Variants in TEP1 observed in about 807,000 individuals in gnomAD.
TEP1 encodes telomerase protein component 1.
Under a neutral mutation model 306.3 loss-of-function variants are expected in TEP1, and 241 were observed. The ratio of observed to expected loss-of-function variants is 0.79; its 90% CI spans 0.71 to 0.88. The LOEUF (loss-of-function observed/expected upper bound fraction) is 0.88, where lower values mean the gene tolerates loss of function less well. TEP1 is among the 40% of genes least tolerant of loss of function. The pLI is 0.00. For missense variants in TEP1, 3,051 were observed against 3,276.1 expected (o/e 0.93, Z 1.68); for synonymous variants, 1,289 against 1,305.5 (o/e 0.99, Z 0.27).
chr14:20,403,017 C>T (rs1407517609), intron 7 of TEP1, among the ~76,000 whole-genome samples: 1 of 151,844 alleles, frequency 6.6e-6, no homozygotes, highest in Non-Finnish European at 1.5e-5. Context: ...ATTAGCCAAG[C>T]GTGGTGGCAC....
At position 20,400,297 on chromosome 14, in the gene TEP1, C is replaced by T. The variant is rs1041078551; in HGVS notation, c.1549+687G>A. The stretch of plus-strand genomic sequence containing the variant: ...GTGTATGTGTGTTTGTGTGTGGGTG[C>T]GTGTGTGTGTGTGTGCAGTGGCTCA... On this transcript the variant is annotated intron_variant, in intron 9 of 54. Coordinates refer to ENST00000262715, the MANE Select transcript of TEP1 (RefSeq NM_007110.5). Among the ~76,000 whole-genome samples, 7 of 147,138 alleles carry T rather than the reference C, an allele frequency of 4.8e-5. 1 individual carries two copies. The highest frequency in any genetic ancestry group is 4.3e-4 in the South Asian group (2 of 4,672).
At position 20,378,166 on chromosome 14, in the gene TEP1, C is replaced by A; in HGVS notation, c.5579G>T (p.Gly1860Val). ...CAGCTCCACCATACTGTCCAGCCGG[C>A]CCACAGCCACAACCCCCCCAGGCAC... ...FNVPGGVVAV[G>V]RLDSMVELWA... Residue 1860 changes from glycine (G) to valine (V), a missense_variant, in exon 39 of 55, where the codon GGC becomes GTC. Transcript: ENST00000262715. 2.5e-6 allele frequency: 4 copies of A among 1,613,890 alleles called. No individual in the cohort carries two copies. Among genetic ancestry groups the A allele is most frequent in the Non-Finnish European group, 3.4e-6 (4 of 1,180,038 alleles).
intron 15 of TEP1, among the ~76,000 whole-genome samples, chr14:20,390,300 T>C (rs148523039): frequency 8.1e-4 from 124 of 152,322 alleles, no homozygotes; most frequent in African/African-American, 2.9e-3. Flanking sequence ...ATAATTTTAC[T>C]ACATTTTACT....
At chr14:20,377,797 C>T (rs374940664) in intron 39 of TEP1, 44 bp from the exon 40 acceptor site, 21 of 1,604,980 alleles carry the variant, frequency 1.3e-5, no homozygotes, top group South Asian at 7.7e-5. Flanking sequence ...CTCCACCACG[C>T]GGTCCTCCTT....
Position 20,386,066 on chromosome 14 carries a change from C to T in TEP1, c.2982+9G>A. 1 of 1,590,984 alleles carries T rather than the reference C, an allele frequency of 6.3e-7. No individual in the cohort carries two copies. The highest frequency in any genetic ancestry group is 1.2e-5 in the South Asian group (1 of 86,702). On this transcript the variant is annotated intron_variant, in intron 20 of 54. Transcript: ENST00000262715. ...CTCCCCAGCCCTCCTCCAAACCTGT[C>T]TGCCTTACCCAGTGGAAGTGTGGAT...
chr14:20,402,577 A>G (rs114064016), intron 7 of TEP1, among the ~76,000 whole-genome samples: 134 of 152,304 alleles, frequency 8.8e-4, no homozygotes, highest in African/African-American at 3.2e-3. Context: ...TGACAACCTA[A>G]CAATGTAGGT....
chr14:20,381,133 G>A lies in TEP1; in HGVS notation c.4648-88C>T. On this transcript the variant is annotated intron_variant, in intron 32 of 54. Transcript: ENST00000262715. The surrounding 1 kb of genome is among the most constrained non-coding windows in gnomAD (Gnocchi z 4.0). ...TCTCAGAACCTGGATACAGAGATAG[G>A]ATCTGAGCTGGGACAAAGGACTTGA... The A allele has an allele frequency of 7.9e-7, 1 of 1,264,730 alleles. No homozygotes were observed. Among genetic ancestry groups the A allele is most frequent in the Non-Finnish European group, 1.2e-6 (1 of 865,080 alleles). 78.3% of individuals were successfully genotyped at this position (1,264,730 alleles called of 1,614,324 possible). A position where few individuals can be genotyped will look rare whatever the true frequency, so the allele number is the denominator to read the frequency against.
At chr14:20,380,214 G>A (rs770139350) in intron 34 of TEP1, 21 bp downstream of exon 34, 6 of 1,609,018 alleles carry the variant, frequency 3.7e-6, no homozygotes, top group Non-Finnish European at 4.3e-6. Context: ...GGCTTACTAG[G>A]GTCTGGGGTC....
intron 17 of TEP1, among the ~76,000 whole-genome samples, 165 bp from the exon 18 acceptor site, chr14:20,388,228 T>C (rs1164579961): frequency 2.0e-5 from 3 of 152,124 alleles, no homozygotes; most frequent in Non-Finnish European, 4.4e-5. Flanking sequence ...TTAAAATAAA[T>C]GAGGATGCAG....
chr14:20,403,580 T>C (rs139455016), intron 6 of TEP1, 132 bp from the exon 7 acceptor site: 15 of 1,586,064 alleles, frequency 9.5e-6, no homozygotes, highest in African/African-American at 1.4e-5. Flanking sequence ...CTGCACCATA[T>C]GCCCATGAGC....
Position 20,367,114 on chromosome 14 carries a change from A to C in TEP1, c.*1323T>G, listed in dbSNP as rs772546728. ...CACAATGGCTCACGCCTGTAATCCC[A>C]GAACTTTAAGAGGCTGAGGTGTGCA... On this transcript the variant is annotated 3_prime_UTR_variant, in exon 55 of 55. Transcript: ENST00000262715. 1.3e-5 allele frequency: 2 copies of C among 152,262 alleles called. No individual in the cohort carries two copies. The highest frequency in any genetic ancestry group is 2.9e-5 in the Non-Finnish European group (2 of 68,040). 9.4% of individuals were successfully genotyped at this position (152,262 alleles called of 1,614,324 possible).
intron 33 of TEP1, 72 bp downstream of exon 33, chr14:20,380,859 G>T: frequency 1.5e-6 from 2 of 1,327,816 alleles, no homozygotes; most frequent in Non-Finnish European, 2.2e-6. Flanking sequence ...CCCCAACCCT[G>T]AGCAGGGCCC....
At position 20,409,803 on chromosome 14, in the gene TEP1, A is replaced by G. The variant is rs568168956; in HGVS notation, c.-24-1340T>C. 5.0e-3 allele frequency among the ~76,000 whole-genome samples: 759 copies of G among 151,944 alleles called. 6 individuals are homozygous for G. The highest frequency in any genetic ancestry group is 6.9e-3 in the African/African-American group (286 of 41,436). On this transcript the variant is annotated intron_variant, in intron 1 of 54. Coordinates refer to ENST00000262715, the MANE Select transcript of TEP1 (RefSeq NM_007110.5). ...TGGGAGGCCGAGGCGGGCGGATCAC[A>G]AGGTCAGGAGATCGAGACCATCCTG...
chr14:20,377,518 G>T, intron 40 of TEP1, 26 bp from the exon 41 acceptor site: 1 of 1,612,538 alleles, frequency 6.2e-7, no homozygotes, highest in Non-Finnish European at 8.5e-7. Context: ...GAACAAGGGA[G>T]TAAGACACTT....
Position 20,383,652 on chromosome 14 carries a change from T to G in TEP1, c.3711-8A>C. 6.2e-7 allele frequency: 1 copy of G among 1,612,268 alleles called. No homozygotes were observed. The highest frequency in any genetic ancestry group is 8.5e-7 in the Non-Finnish European group (1 of 1,179,498). On this transcript the variant is annotated splice_region_variant and splice_polypyrimidine_tract_variant and intron_variant, in intron 25 of 54. Coordinates refer to ENST00000262715, the MANE Select transcript of TEP1 (RefSeq NM_007110.5). ...AGCTCCCACACCAGGCTTCTGTACATGGAGAGGAAGTCAGGGTCAGTGGGA... is the reference window on the plus strand; with the variant it reads ...AGCTCCCACACCAGGCTTCTGTACAGGGAGAGGAAGTCAGGGTCAGTGGGA...
chr14:20,371,095 G>T, intron 51 of TEP1, 123 bp downstream of exon 51: 1 of 763,260 alleles, frequency 1.3e-6, no homozygotes, highest in Non-Finnish European at 2.3e-6. Flanking sequence ...CCAGTTGAAG[G>T]AGGATAAGAG....
chr14:20,374,405 G>T lies in TEP1; in HGVS notation c.6471+24C>A, dbSNP rs181330550. ...CCTTAGCCCTTCCAGAGACCCCCCA[G>T]TGGGATCTCCATTGCTTTCTCACCA... On this transcript the variant is annotated intron_variant, in intron 44 of 54. Transcript: ENST00000262715. 55 of 1,584,122 alleles carry T rather than the reference G, an allele frequency of 3.5e-5. No individual in the cohort carries two copies. In the East Asian group the frequency reaches 1.1e-3, roughly 31 times the overall value.
intron 4 of TEP1, 151 bp from the exon 5 acceptor site, chr14:20,404,923 G>T: frequency 1.2e-6 from 1 of 817,290 alleles, no homozygotes; most frequent in Non-Finnish European, 1.8e-6. Context: ...CACCTGACTT[G>T]GCATTCTAAG....
chr14:20,400,876 C>A (rs1878655427), intron 9 of TEP1, 108 bp downstream of exon 9: 8 of 1,372,670 alleles, frequency 5.8e-6, no homozygotes, highest in Non-Finnish European at 7.9e-6. Context: ...AACAACCAGG[C>A]AAAGTAATAA....
Sources: gnomAD v4.1 joint callset for allele counts (sites outside exome capture counted in the v4.1 genomes callset) on GRCh38, gnomAD v4.1.1 for gene constraint, Gnocchi (gnomAD v3.1) non-coding constraint, MANE v1.5 for transcripts, NCBI Gene and HGNC (gene_info 2026-07-23, HGNC 2026-07-21) for gene names.